Variants in UNC5D observed in about 807,000 individuals in gnomAD.
UNC5D encodes the protein netrin receptor UNC5D.
In UNC5D, 39 loss-of-function variants were observed where a neutral mutation model predicts 105.4. The ratio of observed to expected loss-of-function variants is 0.37; its 90% confidence interval spans 0.29 to 0.48. The LOEUF (loss-of-function observed/expected upper bound fraction) is 0.48. Ranked by LOEUF, UNC5D falls within the 20% of genes least tolerant of loss-of-function variation. UNC5D has a pLI of 0.98. For missense variants in UNC5D, 991 were observed against 1,202.4 expected (o/e 0.82, Z 2.60); for synonymous variants, 452 against 450.4 (o/e 1.00, Z -0.04).
intron 3 of UNC5D, among the ~76,000 whole-genome samples, chr8:35,574,291 A>ATGTT (rs1388598548): frequency 6.6e-6 from 1 of 152,214 alleles, no homozygotes; most frequent in Non-Finnish European, 1.5e-5. Context: ...AAGAAAGGGA[A>ATGTT]TGTTTGCCTG....
intron 1 of UNC5D, among the ~76,000 whole-genome samples, chr8:35,472,050 G>A (rs1253909672): frequency 6.6e-6 from 1 of 152,072 alleles, no homozygotes; most frequent in Admixed American, 6.5e-5. Context: ...AAACTGAAAG[G>A]GACACAGACT....
chr8:35,409,903 A>G (rs189496655), intron 1 of UNC5D, among the ~76,000 whole-genome samples: 1 of 149,902 alleles, frequency 6.7e-6, no homozygotes, highest in South Asian at 2.1e-4. Flanking sequence ...GTTTTGTATA[A>G]ATTATGATTT....
chr8:35,258,246 A>G (rs1350771133), intron 1 of UNC5D, among the ~76,000 whole-genome samples: 1 of 152,252 alleles, frequency 6.6e-6, no homozygotes, highest in African/African-American at 2.4e-5. Context: ...ATAAGGGGGC[A>G]AATCCTGTTT....
chr8:35,267,487 G>A (rs1323768810), intron 1 of UNC5D, among the ~76,000 whole-genome samples: 1 of 152,126 alleles, frequency 6.6e-6, no homozygotes, highest in Non-Finnish European at 1.5e-5. Flanking sequence ...CACCCAGGCT[G>A]GGGTGCAATG....
At chr8:35,372,426 A>G (rs558767162) in intron 1 of UNC5D, among the ~76,000 whole-genome samples, 1 of 151,992 alleles carries the variant, frequency 6.6e-6, no homozygotes, top group East Asian at 2.0e-4. Context: ...GCCCAGATCT[A>G]GTTTTTGACT....
At chr8:35,323,903 G>A (rs764431285) in intron 1 of UNC5D, among the ~76,000 whole-genome samples, 9 of 152,042 alleles carry the variant, frequency 5.9e-5, no homozygotes, top group South Asian at 4.1e-4. Flanking sequence ...TCTTAAGAGC[G>A]TGTCCTGTGT....
At chr8:35,510,096 G>T (rs1438112913) in intron 1 of UNC5D, among the ~76,000 whole-genome samples, 1 of 151,956 alleles carries the variant, frequency 6.6e-6, no homozygotes, top group Non-Finnish European at 1.5e-5. Flanking sequence ...GGTTTTAATG[G>T]AAACTTCATT....
At chr8:35,296,764 T>G (rs975273940) in intron 1 of UNC5D, among the ~76,000 whole-genome samples, 3 of 152,176 alleles carry the variant, frequency 2.0e-5, no homozygotes, top group Non-Finnish European at 4.4e-5. Context: ...TTCATGTATC[T>G]TCTTTGAATT....
intron 1 of UNC5D, among the ~76,000 whole-genome samples, chr8:35,459,830 A>G (rs776273001): frequency 2.6e-5 from 4 of 152,206 alleles, no homozygotes; most frequent in Non-Finnish European, 5.9e-5. Flanking sequence ...ATTGTCGCAT[A>G]TATTTTTAGC....
At chr8:35,556,683 A>G (rs1404515023) in intron 2 of UNC5D, among the ~76,000 whole-genome samples, 1 of 152,216 alleles carries the variant, frequency 6.6e-6, no homozygotes, top group Non-Finnish European at 1.5e-5. Context: ...CTTAATTACT[A>G]TATTTTGCAA....
chr8:35,485,699 G>C lies in UNC5D; in HGVS notation c.104-63593G>C, dbSNP rs377661604. Reference sequence around the variant, plus strand: ...AAGTCAGACTCTGCTTGTCAATCCTGGTTCCCCCTTTTGCTAGCAGTGAGA... The same window carrying C: ...AAGTCAGACTCTGCTTGTCAATCCTCGTTCCCCCTTTTGCTAGCAGTGAGA... On this transcript the variant is annotated intron_variant, in intron 1 of 16. Transcript: ENST00000404895. Among the ~76,000 whole-genome samples, 41 of 152,224 alleles carry C rather than the reference G, an allele frequency of 2.7e-4. No homozygotes were observed. The East Asian group carries it at 4.1e-3, about 15-fold the overall frequency.
intron 4 of UNC5D, among the ~76,000 whole-genome samples, chr8:35,609,916 G>A (rs953525825): frequency 6.6e-6 from 1 of 152,120 alleles, no homozygotes; most frequent in Non-Finnish European, 1.5e-5. Context: ...AGTCACCTTG[G>A]GGGGCATGTC....
intron 4 of UNC5D, among the ~76,000 whole-genome samples, chr8:35,640,362 A>G (rs926152841): frequency 3.9e-5 from 6 of 152,202 alleles, no homozygotes; most frequent in African/African-American, 1.4e-4. Context: ...GAAAGTAAAC[A>G]GCCCTTCAAG....
chr8:35,760,215 C>G (rs56173644), intron 14 of UNC5D, among the ~76,000 whole-genome samples: 11,356 of 151,626 alleles, frequency 0.075, 1,164 homozygotes, highest in African/African-American at 0.23. Flanking sequence ...GCTAATTTTT[C>G]TATTTTTTAG....
intron 2 of UNC5D, among the ~76,000 whole-genome samples, chr8:35,561,277 A>G (rs1486738139): frequency 6.6e-6 from 1 of 152,172 alleles, no homozygotes; most frequent in Non-Finnish European, 1.5e-5. Context: ...ACAACGCCAC[A>G]GAGCCCACTG....
At chr8:35,312,201 C>T (rs573507611) in intron 1 of UNC5D, among the ~76,000 whole-genome samples, 1 of 152,158 alleles carries the variant, frequency 6.6e-6, no homozygotes, top group Admixed American at 6.6e-5. Flanking sequence ...GAAAACACAT[C>T]TTGTGGCAAG....
intron 4 of UNC5D, among the ~76,000 whole-genome samples, chr8:35,641,365 G>GCAAAAAAAAAAAAAAAAAAAA (rs1563621756): frequency 1.0e-4 from 2 of 19,872 alleles, no homozygotes; most frequent in African/African-American, 2.0e-4. Context: ...AAAAAATAAA[G>GCAAAAAAAAAAAAAAAAAAAA]CAAAAAAAAA....
intron 1 of UNC5D, among the ~76,000 whole-genome samples, chr8:35,467,835 C>T (rs376635033): frequency 3.3e-5 from 5 of 152,080 alleles, no homozygotes; most frequent in South Asian, 2.1e-4. Flanking sequence ...GAAAAGCTTT[C>T]GCCAAATGGC....
At chr8:35,495,092 A>G (rs959119732) in intron 1 of UNC5D, among the ~76,000 whole-genome samples, 8 of 152,072 alleles carry the variant, frequency 5.3e-5, no homozygotes, top group African/African-American at 1.9e-4. Flanking sequence ...GTAGTGACTG[A>G]GTTGAGACTG....
Sources: allele counts gnomAD v4.1 joint callset (sites outside exome capture counted in the v4.1 genomes callset), GRCh38; gene constraint gnomAD v4.1.1; transcripts MANE v1.5; gene names NCBI Gene and HGNC (gene_info 2026-07-23, HGNC 2026-07-21).